TMEM178B: variants seen among roughly 807,000 people sequenced by gnomAD.
The protein encoded by TMEM178B is transmembrane protein 178B.
TMEM178B carries 5 observed loss-of-function variants against 31.0 expected under a neutral mutation model. That is an observed-to-expected ratio of 0.16 (90% CI 0.08 to 0.34). The LOEUF (loss-of-function observed/expected upper bound fraction) is 0.34. TMEM178B is among the 10% of genes least tolerant of loss of function. The probability of loss-of-function intolerance (pLI) is 1.00; values close to 1 mark genes in which losing one functional copy is unlikely to be tolerated. For missense variants in TMEM178B, 275 were observed against 400.3 expected, an observed-to-expected ratio of 0.69 and a Z score of 2.67; for synonymous variants, 164 against 164.0, an observed-to-expected ratio of 1.00 and a Z score of 0.00.
At chr7:141,447,746 GC>G (rs1270569832) in intron 3 of TMEM178B, among the ~76,000 whole-genome samples, 1 of 152,136 alleles carries the variant, frequency 6.6e-6, no homozygotes, top group Non-Finnish European at 1.5e-5. Flanking sequence ...GCTGGCATGT[GC>G]CCCCTGAAGG....
At chr7:141,104,419 A>G (rs1795107013) in intron 1 of TMEM178B, among the ~76,000 whole-genome samples, 1 of 152,156 alleles carries the variant, frequency 6.6e-6, no homozygotes, top group South Asian at 2.1e-4. Flanking sequence ...GGAGGGAACT[A>G]CTGCAGGGCA....
At chr7:141,505,443 G>A in the TMEM178B span, among the ~76,000 whole-genome samples, 2 of 152,170 alleles carry the variant, frequency 1.3e-5, no homozygotes, top group African/African-American at 4.8e-5. Context: ...ATGAGTCCTC[G>A]CTACACTGAA....
chr7:141,165,882 G>A (rs895663429), intron 1 of TMEM178B, among the ~76,000 whole-genome samples: 1 of 152,198 alleles, frequency 6.6e-6, no homozygotes, highest in Non-Finnish European at 1.5e-5. Context: ...GTGAGATTAA[G>A]TGACTTTATG....
At chr7:141,269,841 G>A (rs546609805) in intron 2 of TMEM178B, among the ~76,000 whole-genome samples, 4 of 152,294 alleles carry the variant, frequency 2.6e-5, no homozygotes, top group Non-Finnish European at 4.4e-5. Flanking sequence ...AAGGCAGGTG[G>A]ATCACTCGAG....
In TMEM178B at chr7:141,474,227, A is replaced by C. The variant is rs1053133926; in HGVS notation, c.*3441A>C. The C allele has an allele frequency of 3.3e-5, 5 of 152,156 alleles. No individual in the cohort carries two copies. The highest frequency in any genetic ancestry group is 2.6e-4 in the Admixed American group (4 of 15,282). The allele number at this position is 152,156 out of a possible 1,614,324, so 9.4% of individuals were successfully genotyped here. ...AAAGTGAGGTATTCTACCTAGAGAG[A>C]GGTCCCATATCTTTTTCTCCTTATT... On this transcript the variant is annotated 3_prime_UTR_variant, in exon 4 of 4. Transcript: ENST00000565468.
intron 2 of TMEM178B, among the ~76,000 whole-genome samples, chr7:141,362,811 T>C (rs1165415228): frequency 6.6e-6 from 1 of 151,964 alleles, no homozygotes; most frequent in East Asian, 1.9e-4. Flanking sequence ...ACAGGAGAAG[T>C]GGAAAGGAAA....
intron 2 of TMEM178B, among the ~76,000 whole-genome samples, chr7:141,244,873 C>T (rs1346443321): frequency 1.3e-5 from 2 of 151,902 alleles, no homozygotes; most frequent in African/African-American, 4.8e-5. Context: ...CTTGGTGGCT[C>T]ATGCCTGTAA....
intron 2 of TMEM178B, among the ~76,000 whole-genome samples, chr7:141,295,535 G>A (rs1249297385): frequency 1.3e-5 from 2 of 152,168 alleles, no homozygotes; most frequent in Non-Finnish European, 2.9e-5. Flanking sequence ...AGGGTCTGGT[G>A]GGTCCCAGAT....
chr7:141,165,978 G>C (rs967719316), intron 1 of TMEM178B, among the ~76,000 whole-genome samples: 2 of 152,206 alleles, frequency 1.3e-5, no homozygotes, highest in Non-Finnish European at 2.9e-5. Context: ...GCCCCACTTA[G>C]CTATGAGACA....
In TMEM178B at chr7:141,461,900, AC is replaced by A. The variant is rs1283532815; in HGVS notation, c.635-8635del. Among the ~76,000 whole-genome samples the A allele has an allele frequency of 1.3e-5, 2 of 152,212 alleles. No homozygotes were observed. The highest frequency in any genetic ancestry group is 4.8e-5 in the African/African-American group (2 of 41,442). ...GAAAGAGCCAATATTGAGTTGGCTG[AC>A]TAATTCTTTGTTCCCTGGTGACATT... On this transcript the variant is annotated intron_variant, in intron 3 of 3. Coordinates refer to ENST00000565468, the MANE Select transcript of TMEM178B (RefSeq NM_001195278.2). The surrounding 1 kb of genome is among the most constrained non-coding windows in gnomAD (Gnocchi z 4.0).
In TMEM178B at chr7:141,377,112, A is replaced by G. The variant is rs903574363; in HGVS notation, c.497-60496A>G. The stretch of plus-strand genomic sequence containing the variant: ...TAGTTTGCTTTGATTTTTAATTTTT[A>G]CTTGTCTATATTTTGTAATTTTCTG... On this transcript the variant is annotated intron_variant, in intron 2 of 3. Coordinates refer to ENST00000565468, the MANE Select transcript of TMEM178B (RefSeq NM_001195278.2). 3.3e-5 allele frequency among the ~76,000 whole-genome samples: 5 copies of G among 152,122 alleles called. No individual in the cohort carries two copies. The South Asian group carries it at 6.2e-4, about 19-fold the overall frequency.
intron 2 of TMEM178B, among the ~76,000 whole-genome samples, chr7:141,356,514 G>A (rs1799821501): frequency 6.6e-6 from 1 of 151,928 alleles, no homozygotes; most frequent in African/African-American, 2.4e-5. Context: ...TCGCTTATGT[G>A]TAGTCTTCTG....
chr7:141,134,650 C>A (rs1795646447), intron 1 of TMEM178B, among the ~76,000 whole-genome samples: 1 of 152,136 alleles, frequency 6.6e-6, no homozygotes, highest in Admixed American at 6.5e-5. Flanking sequence ...AAACAATGAA[C>A]AATAATGACA....
In TMEM178B at chr7:141,479,742, T is replaced by A. The variant is rs2116744034; in HGVS notation, c.*8956T>A. On this transcript the variant is annotated 3_prime_UTR_variant, in exon 4 of 4. Coordinates refer to ENST00000565468, the MANE Select transcript of TMEM178B (RefSeq NM_001195278.2). Reference sequence around the variant, plus strand: ...TGACAAAACTCTCAAACGCCTGGAGTGTTTATGGCCCACCAGATTATTGCT... The same window carrying A: ...TGACAAAACTCTCAAACGCCTGGAGAGTTTATGGCCCACCAGATTATTGCT... 6.6e-6 allele frequency: 1 copy of A among 152,144 alleles called. No individual in the cohort carries two copies. The highest frequency in any genetic ancestry group is 1.9e-4 in the East Asian group (1 of 5,184). 9.4% of individuals were successfully genotyped at this position (152,144 alleles called of 1,614,324 possible). A position where few individuals can be genotyped will look rare whatever the true frequency, so the allele number is the denominator to read the frequency against.
intron 2 of TMEM178B, among the ~76,000 whole-genome samples, chr7:141,305,603 T>G (rs1166321721): frequency 3.3e-4 from 50 of 151,944 alleles, no homozygotes; most frequent in Admixed American, 3.2e-3. Context: ...AATTTTTGTA[T>G]TTTGTATTTT....
chr7:141,409,992 C>T (rs766410637), intron 2 of TMEM178B, among the ~76,000 whole-genome samples: 13 of 152,220 alleles, frequency 8.5e-5, no homozygotes, highest in Admixed American at 2.0e-4. Flanking sequence ...TTTGTCTTTG[C>T]TTAGCCCTGG....
chr7:141,491,668 C>T, the TMEM178B span, among the ~76,000 whole-genome samples: 2 of 152,154 alleles, frequency 1.3e-5, no homozygotes, highest in Non-Finnish European at 2.9e-5. Context: ...ATTTTTCAGA[C>T]ATGAGTTTAG....
At chr7:141,433,671 T>C (rs1394455469) in intron 2 of TMEM178B, among the ~76,000 whole-genome samples, 1 of 152,256 alleles carries the variant, frequency 6.6e-6, no homozygotes, top group Non-Finnish European at 1.5e-5. Flanking sequence ...TGTAGTACAC[T>C]GGTTTTGAGA....
intron 2 of TMEM178B, among the ~76,000 whole-genome samples, chr7:141,327,869 T>G (rs1799221194): frequency 6.6e-6 from 1 of 152,154 alleles, no homozygotes; most frequent in African/African-American, 2.4e-5. Flanking sequence ...CACATCCATA[T>G]AGAGTGTGTG....
Sources: allele counts gnomAD v4.1 joint callset (sites outside exome capture counted in the v4.1 genomes callset), GRCh38; gene constraint gnomAD v4.1.1; non-coding constraint Gnocchi (gnomAD v3.1); transcripts MANE v1.5; gene names NCBI Gene and HGNC (gene_info 2026-07-23, HGNC 2026-07-21).